Variants in ENPP1 observed in about 807,000 individuals in gnomAD.
ENPP1 encodes the protein ectonucleotide pyrophosphatase/phosphodiesterase 1.
ENPP1 carries 73 observed loss-of-function variants against 122.8 expected under a neutral mutation model. The ratio of observed to expected loss-of-function variants is 0.59; its 90% CI spans 0.49 to 0.72. The LOEUF is 0.72. Ranked by LOEUF, ENPP1 falls within the 30% of genes least tolerant of loss-of-function variation. The pLI is 0.00. For synonymous variants in ENPP1, 367 were observed against 391.6 expected (o/e 0.94, Z 0.74); for missense variants, 978 against 1,128.1 (o/e 0.87, Z 1.91).
At chr6:131,885,513 G>A (rs1368946296) in intron 23 of ENPP1, among the ~76,000 whole-genome samples, 1 of 152,138 alleles carries the variant, frequency 6.6e-6, no homozygotes, top group Non-Finnish European at 1.5e-5. Flanking sequence ...TTACCCAACT[G>A]TGGCTGGAGG....
chr6:131,857,114 C>T (rs538174305), intron 6 of ENPP1, among the ~76,000 whole-genome samples: 1 of 152,066 alleles, frequency 6.6e-6, no homozygotes, highest in African/African-American at 2.4e-5. Context: ...CATCTCACAC[C>T]AGTTAGAATG....
At chr6:131,881,467 C>T (rs754949768) in intron 20 of ENPP1, among the ~76,000 whole-genome samples, 2 of 152,188 alleles carry the variant, frequency 1.3e-5, no homozygotes, top group East Asian at 1.9e-4. Context: ...ACAGTCATTG[C>T]GATGCTTGAG....
At chr6:131,836,998 A>G (rs976283312) in intron 1 of ENPP1, among the ~76,000 whole-genome samples, 2 of 152,038 alleles carry the variant, frequency 1.3e-5, no homozygotes, top group Non-Finnish European at 2.9e-5. Context: ...GTACTACCTT[A>G]TGTGTGGATC....
At chr6:131,823,623 C>T (rs1276564314) in intron 1 of ENPP1, among the ~76,000 whole-genome samples, 1 of 151,690 alleles carries the variant, frequency 6.6e-6, no homozygotes, top group Non-Finnish European at 1.5e-5. Flanking sequence ...CACCCAACAT[C>T]AGGCACCCAC....
intron 1 of ENPP1, among the ~76,000 whole-genome samples, chr6:131,824,735 T>A (rs1323589014): frequency 6.6e-6 from 1 of 151,830 alleles, no homozygotes; most frequent in Non-Finnish European, 1.5e-5. Flanking sequence ...ATTACAAGTA[T>A]GAGCCACCGT....
chr6:131,852,038 T>C (rs1445583577), intron 4 of ENPP1, 137 bp from the exon 5 acceptor site: 1 of 648,200 alleles, frequency 1.5e-6, no homozygotes, highest in African/African-American at 1.8e-5. Flanking sequence ...ATTATACACC[T>C]CCAGAGTCAT....
chr6:131,825,195 C>T (rs2114664226), intron 1 of ENPP1, among the ~76,000 whole-genome samples: 1 of 152,214 alleles, frequency 6.6e-6, no homozygotes, highest in East Asian at 1.9e-4. Flanking sequence ...TTTATAATAG[C>T]TTTAGTGGCA....
In ENPP1 at chr6:131,850,044, A is replaced by G; in HGVS notation, c.368A>G (p.Asp123Gly). The G allele has an allele frequency of 6.2e-7, 1 of 1,614,108 alleles. No homozygotes were observed. The highest frequency in any genetic ancestry group is 8.5e-7 in the Non-Finnish European group (1 of 1,179,988). ...AGAACATTTGGGAACTGTCGCTGTG[A>G]TGCTGCCTGTGTTGAGCTTGGAAAC... ...FERTFGNCRC[D>G]AACVELGNCC... Residue 123 changes from aspartate to glycine, a missense_variant, in exon 3 of 25, where the codon GAT (aspartate) becomes GGT (glycine). Asp to Gly is a moderately conservative substitution (Grantham distance 94). Coordinates refer to ENST00000647893, the MANE Select transcript of ENPP1 (RefSeq NM_006208.3).
At chr6:131,870,845 G>A (rs182139818) in intron 13 of ENPP1, among the ~76,000 whole-genome samples, 2 of 152,266 alleles carry the variant, frequency 1.3e-5, no homozygotes, top group Non-Finnish European at 2.9e-5. Flanking sequence ...TTGGGAGGCC[G>A]AGGCGGGCGG....
Position 131,854,961 on chromosome 6 carries a change from A to T in ENPP1, c.653A>T (p.Asp218Val), listed in dbSNP as rs1231182870. ...CCTCCTACCCTCTTATTTTCTTTGGATGGATTCAGGGCAGAATATTTACAC... is the reference window on the plus strand; with the variant it reads ...CCTCCTACCCTCTTATTTTCTTTGGTTGGATTCAGGGCAGAATATTTACAC... The part of the protein sequence containing the change: ...ETPPTLLFSL[D>V]GFRAEYLHTW... Residue 218 changes from aspartate to valine, a missense_variant, in exon 6 of 25, where the codon GAT (aspartate) becomes GTT (valine). Transcript: ENST00000647893. 5.0e-6 allele frequency: 8 copies of T among 1,613,270 alleles called. No individual in the cohort carries two copies. Among genetic ancestry groups the T allele is most frequent in the Non-Finnish European group, 5.9e-6 (7 of 1,179,724 alleles).
At chr6:131,880,620 C>T (rs1782292163) in intron 20 of ENPP1, among the ~76,000 whole-genome samples, 1 of 151,860 alleles carries the variant, frequency 6.6e-6, no homozygotes, top group African/African-American at 2.4e-5. Context: ...TCCCCGACCC[C>T]AGTTTTAATA....
intron 1 of ENPP1, chr6:131,827,865 G>T: frequency 7.1e-7 from 1 of 1,407,260 alleles, no homozygotes. Flanking sequence ...TCTTGGACTC[G>T]GAGAGTTTCA....
chr6:131,873,483 C>A (rs753158405), intron 15 of ENPP1, among the ~76,000 whole-genome samples: 1 of 152,172 alleles, frequency 6.6e-6, no homozygotes, highest in Non-Finnish European at 1.5e-5. Context: ...CTGCACATTA[C>A]AGTATGTCTA....
intron 12 of ENPP1, 60 bp from the exon 13 acceptor site, chr6:131,869,298 C>T (rs1782128376): frequency 6.4e-7 from 1 of 1,552,734 alleles, no homozygotes; most frequent in Non-Finnish European, 8.9e-7. Flanking sequence ...AAGTTCTGCT[C>T]TGCATATTAA....
chr6:131,872,422 TTATGA>T (rs1468199680), intron 14 of ENPP1, among the ~76,000 whole-genome samples: 2 of 152,166 alleles, frequency 1.3e-5, no homozygotes, highest in Non-Finnish European at 2.9e-5. Context: ...ACCATTAGCG[TTATGA>T]TATATTTCCT....
Position 131,808,167 on chromosome 6 carries a change from G to A in ENPP1, c.132G>A (p.Gln44=), listed in dbSNP as rs1326525600. The A allele has an allele frequency of 4.1e-6, 6 of 1,460,598 alleles. No homozygotes were observed. Among genetic ancestry groups the A allele is most frequent in the African/African-American group, 1.5e-5 (1 of 67,982 alleles). 90.5% of individuals were successfully genotyped at this position (1,460,598 alleles called of 1,614,324 possible). Residue 44 remains glutamine (Q), a synonymous_variant, in exon 1 of 25, where the codon CAG becomes CAA. Transcript: ENST00000647893. ...CTGCCGAGGCGCCCGGGGACCCGCA[G>A]GCGGCCGCGTCCTTGCTGGCCCCTA... ...SHAAEAPGDP[Q]AAASLLAPMD...
chr6:131,859,384 CT>C lies in ENPP1; in HGVS notation c.795+649del, dbSNP rs557550057. ...TTGTTTTCAAAATTTCAGAGGCTAC[CT>C]TTTTTTTTTTTGTTTTTTTGAGATG... On this transcript the variant is annotated intron_variant, in intron 7 of 24. Coordinates refer to ENST00000647893, the MANE Select transcript of ENPP1 (RefSeq NM_006208.3). 2.0e-3 allele frequency among the ~76,000 whole-genome samples: 293 copies of C among 145,078 alleles called. 1 individual carries two copies. The highest frequency in any genetic ancestry group is 4.3e-3 in the African/African-American group (169 of 39,686).
At position 131,854,967 on chromosome 6, in the gene ENPP1, T is replaced by A. The variant is rs1340152146; in HGVS notation, c.659T>A (p.Phe220Tyr). The A allele has an allele frequency of 1.2e-6, 2 of 1,613,698 alleles. No individual in the cohort carries two copies. Among genetic ancestry groups the A allele is most frequent in the African/African-American group, 2.7e-5 (2 of 74,910 alleles). Residue 220 changes from phenylalanine (F) to tyrosine (Y), a missense_variant, in exon 6 of 25, where the codon TTC (phenylalanine) becomes TAC (tyrosine). Physicochemically the swap from Phe to Tyr is conservative, Grantham distance 22. Transcript: ENST00000647893. ...ACCCTCTTATTTTCTTTGGATGGAT[T>A]CAGGGCAGAATATTTACACACTTGG... ...PPTLLFSLDG[F>Y]RAEYLHTWGG...
At chr6:131,833,136 T>C (rs750772668) in intron 1 of ENPP1, among the ~76,000 whole-genome samples, 8 of 152,348 alleles carry the variant, frequency 5.3e-5, no homozygotes, top group Middle Eastern at 3.4e-3. Flanking sequence ...GTAGATTCAT[T>C]GAAATGACCT....
Sources: allele counts gnomAD v4.1 joint callset (sites outside exome capture counted in the v4.1 genomes callset), GRCh38; gene constraint gnomAD v4.1.1; transcripts MANE v1.5; gene names NCBI Gene and HGNC (gene_info 2026-07-23, HGNC 2026-07-21).